RHBDL2: variants seen among roughly 807,000 people sequenced by gnomAD.
The protein encoded by RHBDL2 is rhomboid-related protein 2.
RHBDL2 carries 26 observed loss-of-function variants against 31.7 expected under a neutral mutation model. The observed-to-expected ratio is 0.82, with a 90% CI of 0.60 to 1.14. The LOEUF is 1.14. Ranked by LOEUF, RHBDL2 falls within the 50% of genes most tolerant of loss-of-function variation. RHBDL2 has a pLI of 0.00. For missense variants in RHBDL2, 336 were observed against 364.4 expected, an observed-to-expected ratio of 0.92 and a Z score of 0.63; for synonymous variants, 123 against 127.2, an observed-to-expected ratio of 0.97 and a Z score of 0.22.
chr1:38,929,962 G>T (rs1203043129), intron 1 of RHBDL2, among the ~76,000 whole-genome samples: 2 of 152,210 alleles, frequency 1.3e-5, no homozygotes, highest in African/African-American at 4.8e-5. Context: ...ATAGGCAAAA[G>T]ATTTGAAAAC....
chr1:38,927,739 A>G (rs569444741), intron 1 of RHBDL2, among the ~76,000 whole-genome samples: 3 of 152,322 alleles, frequency 2.0e-5, no homozygotes, highest in African/African-American at 7.2e-5. Context: ...ATAAAATAAT[A>G]AAGAGGTACT....
intron 4 of RHBDL2, among the ~76,000 whole-genome samples, chr1:38,900,065 A>G (rs1472304102): frequency 6.6e-6 from 1 of 152,230 alleles, no homozygotes; most frequent in African/African-American, 2.4e-5. Context: ...AATAATTACC[A>G]TCTTACCAAA....
chr1:38,939,296 A>G (rs890289605), intron 1 of RHBDL2, among the ~76,000 whole-genome samples: 3 of 152,002 alleles, frequency 2.0e-5, no homozygotes, highest in African/African-American at 7.3e-5. Context: ...GCTGGAGTGC[A>G]GCGGCCTGAT....
intron 4 of RHBDL2, among the ~76,000 whole-genome samples, chr1:38,901,671 A>G (rs1642991195): frequency 6.6e-6 from 1 of 151,586 alleles, no homozygotes; most frequent in Admixed American, 6.6e-5. Flanking sequence ...CCCCGTCTCT[A>G]CTAAAAATGC....
In RHBDL2 at chr1:38,908,937, C is replaced by G. The variant is rs558300108; in HGVS notation, c.508+2385G>C. Among the ~76,000 whole-genome samples the G allele has an allele frequency of 3.9e-5, 6 of 152,294 alleles. No individual in the cohort carries two copies. The East Asian group carries it at 1.2e-3, about 29-fold the overall frequency. ...GCAAGGTTTTATTGAGTGGAAGTAG[C>G]TCTCAGCAGATGGGGTAGCCAGAAG... On this transcript the variant is annotated intron_variant, in intron 4 of 7. Transcript: ENST00000372990.
In RHBDL2 at chr1:38,903,693, AT is replaced by A. The variant is rs1011269321; in HGVS notation, c.509-7625del. 5.3e-5 allele frequency among the ~76,000 whole-genome samples: 8 copies of A among 151,638 alleles called. No individual in the cohort carries two copies. In the East Asian group the frequency reaches 7.7e-4, roughly 15 times the overall value. On this transcript the variant is annotated intron_variant, in intron 4 of 7. Coordinates refer to ENST00000372990, the MANE Select transcript of RHBDL2 (RefSeq NM_017821.5). The stretch of plus-strand genomic sequence containing the variant: ...TTCAATGCAATCCAAATCCCAGCAG[AT>A]TTTTTTTTAGAAACGCACAAACCAA...
intron 4 of RHBDL2, among the ~76,000 whole-genome samples, chr1:38,897,311 AGGAT>A (rs1053614799): frequency 1.3e-5 from 2 of 152,158 alleles, no homozygotes; most frequent in Non-Finnish European, 2.9e-5. Context: ...CATGTTAGCC[AGGAT>A]GGTCTCGATC....
At chr1:38,888,384 A>G (rs1642813258) in intron 6 of RHBDL2, among the ~76,000 whole-genome samples, 1 of 152,198 alleles carries the variant, frequency 6.6e-6, no homozygotes, top group Non-Finnish European at 1.5e-5. Context: ...GAGGCAAACA[A>G]ATAAGTAAAA....
intron 1 of RHBDL2, among the ~76,000 whole-genome samples, chr1:38,920,461 C>T (rs1570935288): frequency 6.6e-6 from 1 of 151,960 alleles, no homozygotes; most frequent in Non-Finnish European, 1.5e-5. Flanking sequence ...AGCCATTACA[C>T]CTGGCCTAGA....
chr1:38,924,543 G>A (rs564231532), intron 1 of RHBDL2, among the ~76,000 whole-genome samples: 32 of 151,968 alleles, frequency 2.1e-4, no homozygotes, highest in African/African-American at 7.2e-4. Flanking sequence ...GCAGTGAGCC[G>A]AGATTGCGCC....
chr1:38,921,147 G>A (rs530111838), intron 1 of RHBDL2, among the ~76,000 whole-genome samples: 8 of 152,228 alleles, frequency 5.3e-5, no homozygotes, highest in East Asian at 1.9e-4. Flanking sequence ...GGTGGCTCAC[G>A]CCTGTAATCC....
chr1:38,941,411 C>G (rs1290644304), intron 1 of RHBDL2, among the ~76,000 whole-genome samples: 1 of 152,136 alleles, frequency 6.6e-6, no homozygotes, highest in Non-Finnish European at 1.5e-5. Context: ...AATGGAATTA[C>G]TCTGTCCTCA....
rs1642787411 is a variant in RHBDL2 at position 38,886,564 on chromosome 1, T to C, written c.852A>G (p.Ala284=). Residue 284 remains alanine (A), a synonymous_variant, in exon 8 of 8, where the codon GCA becomes GCG. Coordinates refer to ENST00000372990, the MANE Select transcript of RHBDL2 (RefSeq NM_017821.5). ...CAGCAAATAAGACACAAGCTAAATA[T>C]GCAGCAATTGCTATCCAAAACCTTG... ...KDPRFWIAIA[A]YLACVLFAVF... The C allele has an allele frequency of 6.2e-7, 1 of 1,605,404 alleles. No individual in the cohort carries two copies. Among genetic ancestry groups the C allele is most frequent in the African/African-American group, 1.3e-5 (1 of 74,758 alleles).
At chr1:38,938,174 T>C (rs943133751) in intron 1 of RHBDL2, among the ~76,000 whole-genome samples, 1 of 151,636 alleles carries the variant, frequency 6.6e-6, no homozygotes, top group African/African-American at 2.4e-5. Flanking sequence ...CACGCCACCA[T>C]GCCCAGCTAA....
chr1:38,926,800 A>C (rs1431111753), intron 1 of RHBDL2: 1 of 152,278 alleles, frequency 6.6e-6, no homozygotes, highest in Non-Finnish European at 1.5e-5. Flanking sequence ...AGATCGTGGC[A>C]CTACACTCCA....
intron 6 of RHBDL2, among the ~76,000 whole-genome samples, chr1:38,890,039 CTTTT>C (rs767253851): frequency 1.4e-5 from 2 of 138,404 alleles, no homozygotes; most frequent in Non-Finnish European, 1.6e-5. Context: ...ATAATATTTT[CTTTT>C]TTTTTTTTTT....
chr1:38,934,658 C>A (rs373359775), intron 1 of RHBDL2, among the ~76,000 whole-genome samples: 512 of 123,590 alleles, frequency 4.1e-3, no homozygotes, highest in Non-Finnish European at 4.5e-3. Flanking sequence ...AAGACTGTCT[C>A]AAAAAAAAAA....
At chr1:38,922,056 A>G (rs1490988669) in intron 1 of RHBDL2, among the ~76,000 whole-genome samples, 1 of 152,246 alleles carries the variant, frequency 6.6e-6, no homozygotes, top group Admixed American at 6.5e-5. Flanking sequence ...CAACAGTTCC[A>G]GAAATTTTAC....
chr1:38,897,336 G>A (rs1331115474), intron 4 of RHBDL2, among the ~76,000 whole-genome samples: 4 of 152,026 alleles, frequency 2.6e-5, no homozygotes, highest in African/African-American at 7.2e-5. Flanking sequence ...TCCTGACCTC[G>A]TGATCTGCCC....
Sources: gnomAD v4.1 joint callset for allele counts (sites outside exome capture counted in the v4.1 genomes callset) on GRCh38, gnomAD v4.1.1 for gene constraint, MANE v1.5 for transcripts, NCBI Gene and HGNC (gene_info 2026-07-23, HGNC 2026-07-21) for gene names.